Variants in INTS6 observed in about 807,000 individuals in gnomAD.
The protein encoded by INTS6 is integrator complex subunit 6.
Under a neutral mutation model 104.9 loss-of-function variants are expected in INTS6, and 16 were observed. That is an observed-to-expected ratio of 0.15 (90% CI 0.10 to 0.23). The LOEUF (loss-of-function observed/expected upper bound fraction) is 0.23, where lower values mean the gene tolerates loss of function less well. Ranked by LOEUF, INTS6 falls within the 10% of genes least tolerant of loss-of-function variation. The pLI is 1.00. For missense variants in INTS6, 584 were observed against 1,062.8 expected, an observed-to-expected ratio of 0.55 and a Z score of 6.26; for synonymous variants, 324 against 358.7, an observed-to-expected ratio of 0.90 and a Z score of 1.09.
chr13:51,334,692 C>T, the INTS6 span, among the ~76,000 whole-genome samples: 1 of 151,920 alleles, frequency 6.6e-6, no homozygotes, highest in Non-Finnish European at 1.5e-5. Context: ...TATAATAAGA[C>T]ATCTTTTGGC....
intron 3 of INTS6, chr13:51,445,746 A>C (rs1952903028): frequency 6.6e-6 from 1 of 152,230 alleles, no homozygotes; most frequent in African/African-American, 2.4e-5. Context: ...ACATTTAAGC[A>C]AGTTTGACAG....
chr13:51,355,271 A>G (rs532469429), intron 3 of INTS6: 1 of 591,768 alleles, frequency 1.7e-6, no homozygotes, highest in South Asian at 2.3e-5. Context: ...TCTGTTTTAT[A>G]TAAGAATGTG....
Position 51,387,369 on chromosome 13 carries a change from C to G in INTS6, c.894+17G>C. Reference sequence around the variant, plus strand: ...CTGAATGGTTACTATTACATAGTTACAGTCTCTGGTACTTACTAGTGTTGG... The same window carrying G: ...CTGAATGGTTACTATTACATAGTTAGAGTCTCTGGTACTTACTAGTGTTGG... On this transcript the variant is annotated intron_variant, in intron 7 of 17. Coordinates refer to ENST00000311234, the MANE Select transcript of INTS6 (RefSeq NM_012141.3). The G allele has an allele frequency of 1.9e-6, 3 of 1,593,062 alleles. No homozygotes were observed. Among genetic ancestry groups the G allele is most frequent in the Non-Finnish European group, 2.6e-6 (3 of 1,170,562 alleles).
At chr13:51,415,666 T>C (rs912652265) in intron 4 of INTS6, among the ~76,000 whole-genome samples, 3 of 152,152 alleles carry the variant, frequency 2.0e-5, no homozygotes, top group Non-Finnish European at 4.4e-5. Context: ...CTTTCTTTTA[T>C]TAATTGCCCA....
At chr13:51,354,552 T>C (rs1465052303) in intron 3 of INTS6, among the ~76,000 whole-genome samples, 2 of 151,714 alleles carry the variant, frequency 1.3e-5, no homozygotes, top group Non-Finnish European at 2.9e-5. Context: ...GGCCAGAAGT[T>C]TGAGTCCAGC....
Position 51,374,248 on chromosome 13 carries a change from T to G in INTS6, c.2064A>C (p.Gln688His). Residue 688 changes from glutamine (Q) to histidine (H), a missense_variant, in exon 15 of 18, where the codon CAA becomes CAC. By Grantham distance (24) the Gln-to-His change is conservative. Coordinates refer to ENST00000311234, the MANE Select transcript of INTS6 (RefSeq NM_012141.3). ...GAGGTTTAATAAGATCTGGCTGTGC[T>G]TGAGTTGTAGGTGCAGGTGGTCCTT... ...GGKGPPAPTT[Q>H]AQPDLIKPLP... is the part of the protein sequence containing the mutation. 1 of 1,614,064 alleles carries G rather than the reference T, an allele frequency of 6.2e-7. No homozygotes were observed. The highest frequency in any genetic ancestry group is 8.5e-7 in the Non-Finnish European group (1 of 1,179,942).
intron 3 of INTS6, among the ~76,000 whole-genome samples, chr13:51,431,345 G>T (rs1191853891): frequency 6.6e-6 from 1 of 152,170 alleles, no homozygotes; most frequent in Non-Finnish European, 1.5e-5. Flanking sequence ...AACTGTGTAT[G>T]ACAATTTCTT....
At chr13:51,383,533 C>A in intron 8 of INTS6, 56 bp downstream of exon 8, 1 of 1,603,334 alleles carries the variant, frequency 6.2e-7, no homozygotes, top group Non-Finnish European at 8.5e-7. Context: ...TTCAATTCAG[C>A]TTTTTAAGAA....
At chr13:51,353,570 A>C (rs1955432930), downstream of INTS6, among the ~76,000 whole-genome samples, 1 of 152,228 alleles carries the variant, frequency 6.6e-6, no homozygotes, top group Non-Finnish European at 1.5e-5. Context: ...CCACTGTTTC[A>C]GCATTTAGAG....
At chr13:51,344,451 C>T in the INTS6 span, 1 of 1,601,522 alleles carries the variant, frequency 6.2e-7, no homozygotes, top group Non-Finnish European at 8.5e-7. Context: ...GCACCGCCAT[C>T]CAGACTAGCG....
downstream of INTS6, among the ~76,000 whole-genome samples, chr13:51,351,403 G>A (rs888275411): frequency 1.3e-5 from 2 of 152,090 alleles, no homozygotes; most frequent in Non-Finnish European, 2.9e-5. Context: ...TGACTAATGA[G>A]GTAGAGCATC....
At chr13:51,427,122 A>G (rs1956998598) in intron 4 of INTS6, among the ~76,000 whole-genome samples, 1 of 152,182 alleles carries the variant, frequency 6.6e-6, no homozygotes. Context: ...GTTGGATAAC[A>G]TGACTCTTAA....
intron 4 of INTS6, among the ~76,000 whole-genome samples, chr13:51,420,408 G>A (rs1179759902): frequency 6.6e-6 from 1 of 150,514 alleles, no homozygotes; most frequent in South Asian, 2.1e-4. Context: ...AGCAATCAAT[G>A]TTATTACATG....
intron 4 of INTS6, among the ~76,000 whole-genome samples, chr13:51,403,850 G>A (rs377661159): frequency 3.9e-5 from 6 of 151,918 alleles, no homozygotes; most frequent in Non-Finnish European, 8.8e-5. Flanking sequence ...CCACTCATGC[G>A]GTCTAAGCAA....
the INTS6 span, chr13:51,341,393 A>G: frequency 6.6e-7 from 1 of 1,515,440 alleles, no homozygotes. Flanking sequence ...TCCTGTTCAC[A>G]CTCACACTCT....
Position 51,383,619 on chromosome 13 carries a change from C to T in INTS6, c.1017G>A (p.Leu339=). 1 of 1,613,786 alleles carries T rather than the reference C, an allele frequency of 6.2e-7. No homozygotes were observed. Among genetic ancestry groups the T allele is most frequent in the Non-Finnish European group, 8.5e-7 (1 of 1,179,876 alleles). ...AACATGTTTGAGGAGATTTCCTTTC[C>T]AGGATAAATTGAGTCAGTGGTGAAG... ...LEPSPLTQFI[L]ERKSPQTCWQ... Residue 339 remains leucine (L), a synonymous_variant, in exon 8 of 18, where the codon CTG becomes CTA. Coordinates refer to ENST00000311234, the MANE Select transcript of INTS6 (RefSeq NM_012141.3).
chr13:51,340,707 A>G, the INTS6 span: 1 of 262,428 alleles, frequency 3.8e-6, no homozygotes, highest in Non-Finnish European at 7.3e-6. Flanking sequence ...TAAGCTGACT[A>G]TATACCAAGA....
intron 4 of INTS6, among the ~76,000 whole-genome samples, chr13:51,415,747 C>T (rs1269140401): frequency 6.6e-6 from 1 of 152,156 alleles, no homozygotes; most frequent in African/African-American, 2.4e-5. Flanking sequence ...TAATATTTGA[C>T]AAACTATTTG....
chr13:51,374,827 T>C, intron 13 of INTS6, 31 bp from the exon 14 acceptor site: 1 of 1,607,704 alleles, frequency 6.2e-7, no homozygotes, highest in Non-Finnish European at 8.5e-7. Flanking sequence ...GCAAAAAAAG[T>C]TAACCTCCAA....
Sources: allele counts gnomAD v4.1 joint callset (sites outside exome capture counted in the v4.1 genomes callset), GRCh38; gene constraint gnomAD v4.1.1; transcripts MANE v1.5; gene names NCBI Gene and HGNC (gene_info 2026-07-23, HGNC 2026-07-21).